AMOT: variants seen among roughly 807,000 people sequenced by gnomAD.
The protein encoded by AMOT is angiomotin.
A neutral mutation model predicts 67.0 loss-of-function variants in AMOT; 11 were observed. The observed-to-expected ratio is 0.16, with a 90% CI of 0.10 to 0.27. AMOT has a LOEUF of 0.27. AMOT is among the 10% of genes least tolerant of loss of function. The probability of loss-of-function intolerance (pLI) is 1.00; values close to 1 mark genes in which losing one functional copy is unlikely to be tolerated. For synonymous variants in AMOT, 326 were observed against 321.4 expected (o/e 1.01, Z -0.15); for missense variants, 753 against 852.0 (o/e 0.88, Z 1.45).
rs1932957528 is a variant in AMOT, at chrX:112,777,039, T to C, written c.*1528A>G. 2 of 111,451 alleles carry C rather than the reference T, an allele frequency of 1.8e-5. No individual in the cohort carries two copies. Among genetic ancestry groups the C allele is most frequent in the Non-Finnish European group, 3.8e-5 (2 of 53,070 alleles). The allele number at this position is 111,451 out of a possible 1,213,427, so 9.2% of individuals were successfully genotyped here. On this transcript the variant is annotated 3_prime_UTR_variant, in exon 14 of 14. Coordinates refer to ENST00000371959, the MANE Select transcript of AMOT (RefSeq NM_001113490.2). ...GTAGGGCTATATTGCTAAAGTTCTT[T>C]CCCACCACTATGGCTCATGATGTAA...
intron 1 of AMOT, among the ~76,000 whole-genome samples, chrX:112,839,609 T>C (rs1382197640): frequency 9.0e-6 from 1 of 111,675 alleles, no homozygotes; most frequent in Non-Finnish European, 1.9e-5. Flanking sequence ...TCACCAACTT[T>C]CTCTTTCCTT....
intron 9 of AMOT, among the ~76,000 whole-genome samples, chrX:112,791,281 C>T (rs1355371171): frequency 1.8e-5 from 2 of 109,826 alleles, no homozygotes; most frequent in Non-Finnish European, 3.8e-5. Flanking sequence ...CCCAACTACT[C>T]GGGAGGCTGA....
chrX:112,789,743 T>C (rs899088645), intron 10 of AMOT, among the ~76,000 whole-genome samples: 5 of 110,675 alleles, frequency 4.5e-5, no homozygotes, highest in South Asian at 4.0e-4. Flanking sequence ...GAGACCTATC[T>C]GGGTGCAATA....
chrX:112,830,306 G>A (rs1041778332), intron 2 of AMOT, among the ~76,000 whole-genome samples: 3 of 111,827 alleles, frequency 2.7e-5, no homozygotes, highest in South Asian at 3.7e-4. Flanking sequence ...TCATAACATC[G>A]TAATGGCTGC....
In AMOT at chrX:112,811,349, G is replaced by A. The variant is rs184493349; in HGVS notation, c.1437C>T (p.Leu479=). The A allele has an allele frequency of 1.7e-5, 20 of 1,207,749 alleles. No homozygotes were observed. Among genetic ancestry groups the A allele is most frequent in the East Asian group, 5.9e-5 (2 of 33,739 alleles). ...IQRVSEAYEN[L]VKSSSKREAL... ...CCTCTCTTTTGGAGGATGACTTCAC[G>A]AGGTTCTCATATGCCTCCGAGACGC... Residue 479 remains leucine (L), a synonymous_variant, in exon 6 of 14, where the codon CTC becomes CTT. Transcript: ENST00000371959.
At chrX:112,804,919 G>A in intron 8 of AMOT, 28 bp downstream of exon 8, 1 of 685,681 alleles carries the variant, frequency 1.5e-6, no homozygotes, top group African/African-American at 2.3e-5. Context: ...CCACCCCCAG[G>A]CTCATATGCT....
At chrX:112,828,350 C>T (rs1257110805) in intron 2 of AMOT, among the ~76,000 whole-genome samples, 1 of 104,020 alleles carries the variant, frequency 9.6e-6, no homozygotes, top group Non-Finnish European at 2.0e-5. Context: ...GTCTCAATTT[C>T]ATCATCTGCA....
rs1458353409 is a variant in AMOT, at chrX:112,832,309, C to G, written c.-227G>C. On this transcript the variant is annotated 5_prime_UTR_variant, in exon 2 of 14. Transcript: ENST00000371959. ...TTATTATTACCTTTAGTTTCTCAGC[C>G]TTCCTTCTAAGGAGACAAAAGCTCT... The G allele has an allele frequency of 8.9e-6, 1 of 111,971 alleles. No homozygotes were observed. Among genetic ancestry groups the G allele is most frequent in the Non-Finnish European group, 1.9e-5 (1 of 53,277 alleles). The allele number at this position is 111,971 out of a possible 1,213,427, so 9.2% of individuals were successfully genotyped here. A position where few individuals can be genotyped will look rare whatever the true frequency, so the allele number is the denominator to read the frequency against.
chrX:112,837,146 C>G (rs1327920505), intron 1 of AMOT, among the ~76,000 whole-genome samples: 1 of 111,990 alleles, frequency 8.9e-6, no homozygotes, highest in African/African-American at 3.2e-5. Flanking sequence ...TCTATAAAGT[C>G]TGATTTATTT....
chrX:112,796,995 T>C (rs1484040168), intron 8 of AMOT, among the ~76,000 whole-genome samples: 1 of 112,013 alleles, frequency 8.9e-6, no homozygotes, highest in Admixed American at 9.5e-5. Context: ...TTGCTCAACA[T>C]TGCAGCACTA....
At chrX:112,833,090 C>T (rs767344938) in intron 1 of AMOT, among the ~76,000 whole-genome samples, 5 of 111,687 alleles carry the variant, frequency 4.5e-5, no homozygotes, top group Non-Finnish European at 5.6e-5. Flanking sequence ...CTTATTTGCA[C>T]AAACTACTGC....
At chrX:112,781,154 G>C (rs1412327359) in intron 11 of AMOT, 36 bp from the exon 12 acceptor site, 7 of 1,163,102 alleles carry the variant, frequency 6.0e-6, no homozygotes, top group African/African-American at 3.5e-5. Context: ...TAAAGACCTT[G>C]TTGTGGGCTG....
chrX:112,798,393 C>T, intron 8 of AMOT, among the ~76,000 whole-genome samples: 1 of 112,412 alleles, frequency 8.9e-6, no homozygotes, highest in African/African-American at 3.2e-5. Flanking sequence ...CAGATATTTA[C>T]TGAATGCTTA....
rs1425498061 is a variant in AMOT, at chrX:112,775,000, C to T, written c.*3567G>A. On this transcript the variant is annotated 3_prime_UTR_variant, in exon 14 of 14. Coordinates refer to ENST00000371959, the MANE Select transcript of AMOT (RefSeq NM_001113490.2). Reference sequence around the variant, plus strand: ...GAATGGGGTCACAATCATTAGGGGACCACATACATTTTAAACCAAAGGCGA... The same window carrying T: ...GAATGGGGTCACAATCATTAGGGGATCACATACATTTTAAACCAAAGGCGA... The T allele has an allele frequency of 8.9e-6, 1 of 112,143 alleles. No homozygotes were observed. Among genetic ancestry groups the T allele is most frequent in the African/African-American group, 3.2e-5 (1 of 30,860 alleles). 9.2% of individuals were successfully genotyped at this position (112,143 alleles called of 1,213,427 possible). A position where few individuals can be genotyped will look rare whatever the true frequency, so the allele number is the denominator to read the frequency against.
chrX:112,824,477 A>G, intron 3 of AMOT, among the ~76,000 whole-genome samples: 1 of 111,784 alleles, frequency 8.9e-6, no homozygotes, highest in Non-Finnish European at 1.9e-5. Context: ...CTCTGGAAAC[A>G]CGAACCCCTT....
At chrX:112,839,484 C>T (rs1330921624) in intron 1 of AMOT, among the ~76,000 whole-genome samples, 1 of 111,570 alleles carries the variant, frequency 9.0e-6, no homozygotes, top group Non-Finnish European at 1.9e-5. Flanking sequence ...TTTTAAACTG[C>T]CTCCCAACGT....
Position 112,840,537 on chromosome X carries a change from GGGAA to G in AMOT, c.-378_-375del. On this transcript the variant is annotated 5_prime_UTR_variant, in exon 1 of 14. Coordinates refer to ENST00000371959, the MANE Select transcript of AMOT (RefSeq NM_001113490.2). Reference sequence around the variant, plus strand: ...GGCCAGCGGCCAGGGATGGGCAGGGGGGAAGCCCCAACTCCCGGCTGCTCCCCTC... The same window carrying G: ...GGCCAGCGGCCAGGGATGGGCAGGGGGCCCCAACTCCCGGCTGCTCCCCTC... The G allele has an allele frequency of 8.8e-6, 1 of 113,093 alleles. No individual in the cohort carries two copies. The highest frequency in any genetic ancestry group is 1.9e-5 in the Non-Finnish European group (1 of 53,433). The allele number at this position is 113,093 out of a possible 1,213,427, so 9.3% of individuals were successfully genotyped here. A position where few individuals can be genotyped will look rare whatever the true frequency, so the allele number is the denominator to read the frequency against.
intron 2 of AMOT, among the ~76,000 whole-genome samples, chrX:112,826,404 T>A (rs1669446367): frequency 8.9e-6 from 1 of 112,758 alleles, no homozygotes; most frequent in African/African-American, 3.2e-5. Flanking sequence ...AAAAATAAAG[T>A]GAACAGATAT....
intron 1 of AMOT, among the ~76,000 whole-genome samples, chrX:112,834,750 A>T (rs917415727): frequency 8.9e-6 from 1 of 112,956 alleles, no homozygotes; most frequent in African/African-American, 3.2e-5. Context: ...GTGCATGCGC[A>T]CACACACAGA....
Sources: allele counts gnomAD v4.1 joint callset (sites outside exome capture counted in the v4.1 genomes callset), GRCh38; gene constraint gnomAD v4.1.1; transcripts MANE v1.5; gene names NCBI Gene and HGNC (gene_info 2026-07-23, HGNC 2026-07-21).